The following FBXO31 variants were observed in gnomAD, a reference collection of about 807,000 sequenced individuals.
The protein encoded by FBXO31 is F-box only protein 31.
A neutral mutation model predicts 54.4 loss-of-function variants in FBXO31; 24 were observed. The observed-to-expected ratio is 0.44, with a 90% CI of 0.32 to 0.62. The LOEUF is 0.62. Ranked by LOEUF, FBXO31 falls within the 20% of genes least tolerant of loss-of-function variation. FBXO31 has a pLI of 0.05. For synonymous variants in FBXO31, 388 were observed against 335.6 expected, an observed-to-expected ratio of 1.16 and a Z score of -1.71; for missense variants, 665 against 787.1, an observed-to-expected ratio of 0.84 and a Z score of 1.86.
intron 5 of FBXO31, among the ~76,000 whole-genome samples, chr16:87,340,782 C>CA (rs1369993979): frequency 1.3e-5 from 2 of 152,122 alleles, no homozygotes; most frequent in East Asian, 3.8e-4. Flanking sequence ...CAAAGTGAGA[C>CA]ACCCTCTCTC....
At chr16:87,339,828 A>C (rs1744639256) in intron 5 of FBXO31, among the ~76,000 whole-genome samples, 1 of 152,234 alleles carries the variant, frequency 6.6e-6, no homozygotes, top group Non-Finnish European at 1.5e-5. Context: ...TAGAAGAGGA[A>C]TACAGGCAAT....
chr16:87,342,483 C>T (rs1905224469), intron 5 of FBXO31, among the ~76,000 whole-genome samples: 1 of 152,214 alleles, frequency 6.6e-6, no homozygotes, highest in African/African-American at 2.4e-5. Context: ...ATCCGGAAGC[C>T]TCCACACGGT....
intron 1 of FBXO31, among the ~76,000 whole-genome samples, chr16:87,376,842 T>G (rs1480457212): frequency 6.6e-6 from 1 of 152,252 alleles, no homozygotes; most frequent in Non-Finnish European, 1.5e-5. Flanking sequence ...CCCTTGGCCT[T>G]ATCAGTATCC....
At chr16:87,380,089 G>A (rs1203392780) in intron 1 of FBXO31, among the ~76,000 whole-genome samples, 1 of 150,732 alleles carries the variant, frequency 6.6e-6, no homozygotes, top group Non-Finnish European at 1.5e-5. Flanking sequence ...CACAAGGTGA[G>A]GATATCAAGA....
upstream of FBXO31, among the ~76,000 whole-genome samples, chr16:87,386,634 A>G (rs1907336450): frequency 6.6e-6 from 1 of 152,080 alleles, no homozygotes; most frequent in Admixed American, 6.6e-5. Flanking sequence ...GGTTTTTGCC[A>G]TGTTGGCCAG....
intron 8 of FBXO31, among the ~76,000 whole-genome samples, chr16:87,332,434 T>G (rs1202484364): frequency 1.7e-4 from 26 of 152,232 alleles, no homozygotes; most frequent in Admixed American, 1.4e-3. Context: ...ACTCGCAAAC[T>G]GGCTCTGAGC....
At position 87,329,033 on chromosome 16, in the gene FBXO31, G is replaced by A. The variant is rs1267024748; in HGVS notation, c.*2255C>T. The A allele has an allele frequency of 1.3e-5, 2 of 152,286 alleles. No homozygotes were observed. The highest frequency in any genetic ancestry group is 2.9e-5 in the Non-Finnish European group (2 of 68,072). 9.4% of individuals were successfully genotyped at this position (152,286 alleles called of 1,614,324 possible). On this transcript the variant is annotated 3_prime_UTR_variant, in exon 9 of 9. Coordinates refer to ENST00000311635, the MANE Select transcript of FBXO31 (RefSeq NM_024735.5). The stretch of plus-strand genomic sequence containing the variant: ...CCCGGAAGGGAAGCTGCTGTTTTGA[G>A]GCGCGCAGATTCAGTGCCTGTCCCT...
chr16:87,375,493 A>AAAAT (rs530896496), intron 1 of FBXO31, among the ~76,000 whole-genome samples: 1,617 of 152,082 alleles, frequency 0.011, 19 homozygotes, highest in African/African-American at 0.03. Flanking sequence ...TCTGTCTCAA[A>AAAAT]AAATAAATAA....
chr16:87,366,793 G>A (rs538428839), intron 1 of FBXO31, among the ~76,000 whole-genome samples: 23 of 152,274 alleles, frequency 1.5e-4, no homozygotes, highest in Non-Finnish European at 2.5e-4. Context: ...GGAGTGTGAC[G>A]TCCACTCTTC....
chr16:87,332,953 T>C (rs1904914991), intron 8 of FBXO31, among the ~76,000 whole-genome samples: 1 of 152,118 alleles, frequency 6.6e-6, no homozygotes, highest in Non-Finnish European at 1.5e-5. Context: ...CCCTCTGTGG[T>C]GATGGAATGT....
intron 8 of FBXO31, among the ~76,000 whole-genome samples, 160 bp from the exon 9 acceptor site, chr16:87,331,670 G>A (rs556258043): frequency 1.2e-4 from 19 of 152,384 alleles, no homozygotes; most frequent in Non-Finnish European, 2.6e-4. Flanking sequence ...TGCAGGGGCA[G>A]CTGGGGGTGT....
rs1033239711 is a variant in FBXO31 at position 87,346,110 on chromosome 16, C to G, written c.489+1064G>C. ...CAGGGCCTGGGGATAGAGTCACGGA[C>G]GGCCTCCGGCTGGGCCCTACAGAGG... On this transcript the variant is annotated intron_variant, in intron 3 of 8. Coordinates refer to ENST00000311635, the MANE Select transcript of FBXO31 (RefSeq NM_024735.5). The surrounding 1 kb of genome is among the most constrained non-coding windows in gnomAD (Gnocchi z 4.2). Among the ~76,000 whole-genome samples, 1 of 152,168 alleles carries G rather than the reference C, an allele frequency of 6.6e-6. No individual in the cohort carries two copies. Among genetic ancestry groups the G allele is most frequent in the Non-Finnish European group, 1.5e-5 (1 of 68,034 alleles).
chr16:87,390,061 A>G (rs1487553820), upstream of FBXO31: 2 of 152,018 alleles, frequency 1.3e-5, no homozygotes, highest in Admixed American at 1.3e-4. Flanking sequence ...CGTGTGGATC[A>G]CCTGAGGTCG....
At chr16:87,359,698 A>C (rs1248979731) in intron 2 of FBXO31, among the ~76,000 whole-genome samples, 2 of 152,216 alleles carry the variant, frequency 1.3e-5, no homozygotes, top group Non-Finnish European at 1.5e-5. Flanking sequence ...TCGTCCAGTG[A>C]GCAAGAAATG....
In FBXO31 at chr16:87,338,400, A is replaced by G. The variant is rs774614061; in HGVS notation, c.733-2136T>C. ...CCTGCTGGCTGCTTGAAACAGGAGCATGGCCCATCCTCCCTTCTCTGCTCC... is the reference window on the plus strand; with the variant it reads ...CCTGCTGGCTGCTTGAAACAGGAGCGTGGCCCATCCTCCCTTCTCTGCTCC... On this transcript the variant is annotated intron_variant, in intron 5 of 8. Transcript: ENST00000311635. This position sits in a 1 kb window ranked among gnomAD's most constrained non-coding sequence, Gnocchi z 4.3. Among the ~76,000 whole-genome samples the G allele has an allele frequency of 2.2e-4, 32 of 148,158 alleles. No homozygotes were observed. The highest frequency in any genetic ancestry group is 4.5e-4 in the Non-Finnish European group (30 of 66,840).
At chr16:87,354,529 G>T (rs762382153) in intron 2 of FBXO31, among the ~76,000 whole-genome samples, 1 of 151,590 alleles carries the variant, frequency 6.6e-6, no homozygotes, top group Non-Finnish European at 1.5e-5. Flanking sequence ...AGAAGCAGAT[G>T]TATCAGATCT....
intron 1 of FBXO31, among the ~76,000 whole-genome samples, chr16:87,364,667 C>T (rs1262046758): frequency 6.6e-6 from 1 of 152,178 alleles, no homozygotes; most frequent in African/African-American, 2.4e-5. Context: ...TATGACTTAT[C>T]AGCTACAGTG....
chr16:87,360,415 C>T (rs367705961), intron 1 of FBXO31, 49 bp from the exon 2 acceptor site: 16 of 1,555,202 alleles, frequency 1.0e-5, no homozygotes, highest in African/African-American at 9.5e-5. Context: ...ACTCATAACG[C>T]GACAGACGTG....
chr16:87,353,671 G>A (rs1905764803), intron 2 of FBXO31, among the ~76,000 whole-genome samples: 1 of 152,004 alleles, frequency 6.6e-6, no homozygotes, highest in Admixed American at 6.5e-5. Flanking sequence ...GTGGCCTCCA[G>A]CCTGTGAGAG....
Sources: gnomAD v4.1 joint callset for allele counts (sites outside exome capture counted in the v4.1 genomes callset) on GRCh38, gnomAD v4.1.1 for gene constraint, Gnocchi (gnomAD v3.1) non-coding constraint, MANE v1.5 for transcripts, NCBI Gene and HGNC (gene_info 2026-07-23, HGNC 2026-07-21) for gene names.